SPMIP4: variants seen among roughly 807,000 people sequenced by gnomAD.
The protein encoded by SPMIP4 is sperm-associated microtubule inner protein 4.
the SPMIP4 span, among the ~76,000 whole-genome samples, chr7:25,148,021 AG>A: frequency 6.6e-6 from 1 of 152,184 alleles, no homozygotes; most frequent in African/African-American, 2.4e-5. Context: ...TTTGCAGCTA[AG>A]TTACACATTT....
the SPMIP4 span, among the ~76,000 whole-genome samples, chr7:25,153,301 T>C: frequency 6.6e-6 from 1 of 152,114 alleles, no homozygotes; most frequent in Non-Finnish European, 1.5e-5. Context: ...TGGTGGCTCA[T>C]GCCTGTAATC....
At chr7:25,179,439 C>T in the SPMIP4 span, 9 of 909,076 alleles carry the variant, frequency 9.9e-6, no homozygotes, top group African/African-American at 8.4e-5. Flanking sequence ...ACGTCACAGG[C>T]TTCCCTCTGC....
At chr7:25,167,031 CTT>C in the SPMIP4 span, among the ~76,000 whole-genome samples, 1 of 152,202 alleles carries the variant, frequency 6.6e-6, no homozygotes, top group Non-Finnish European at 1.5e-5. Context: ...AGAAACAAGT[CTT>C]TGGCTTTCTT....
chr7:25,149,433 C>T, the SPMIP4 span, among the ~76,000 whole-genome samples: 1 of 151,908 alleles, frequency 6.6e-6, no homozygotes, highest in Non-Finnish European at 1.5e-5. Flanking sequence ...ACTTCTTTGT[C>T]CAGGGAAATG....
the SPMIP4 span, among the ~76,000 whole-genome samples, chr7:25,172,490 T>C: frequency 6.6e-6 from 1 of 152,176 alleles, no homozygotes; most frequent in South Asian, 2.1e-4. This position sits in a 1 kb window ranked among gnomAD's most constrained non-coding sequence, Gnocchi z 4.2. Context: ...TAGCATGGCA[T>C]GGTGTGACTC....
the SPMIP4 span, chr7:25,151,760 T>G: frequency 1.4e-6 from 1 of 737,328 alleles, no homozygotes; most frequent in Non-Finnish European, 2.3e-6. Flanking sequence ...AGAAATGAGA[T>G]AATACAAGGT....
At chr7:25,138,417 G>T in the SPMIP4 span, among the ~76,000 whole-genome samples, 1 of 152,124 alleles carries the variant, frequency 6.6e-6, no homozygotes, top group Non-Finnish European at 1.5e-5. This position sits in a 1 kb window ranked among gnomAD's most constrained non-coding sequence, Gnocchi z 6.2. Context: ...TTTTTGTGAA[G>T]ATAGAGTCTT....
At chr7:25,168,911 A>C in the SPMIP4 span, among the ~76,000 whole-genome samples, 1 of 151,794 alleles carries the variant, frequency 6.6e-6, no homozygotes, top group African/African-American at 2.4e-5. Context: ...TTTTTAGTAG[A>C]GACGGGGGTC....
At chr7:25,163,399 C>T in the SPMIP4 span, among the ~76,000 whole-genome samples, 1,343 of 152,140 alleles carry the variant, frequency 8.8e-3, 10 homozygotes, top group African/African-American at 0.031. This position sits in a 1 kb window ranked among gnomAD's most constrained non-coding sequence, Gnocchi z 4.4. Context: ...TTCCAGCCTC[C>T]GAATGGCCCT....
the SPMIP4 span, among the ~76,000 whole-genome samples, chr7:25,137,607 T>C: frequency 1.3e-5 from 2 of 152,296 alleles, no homozygotes; most frequent in East Asian, 3.9e-4. Flanking sequence ...GGTGGTTTAA[T>C]GGAAATCTTT....
At chr7:25,139,577 A>C in the SPMIP4 span, among the ~76,000 whole-genome samples, 2 of 152,352 alleles carry the variant, frequency 1.3e-5, no homozygotes, top group East Asian at 3.9e-4. Flanking sequence ...TGGACTTAGG[A>C]ACATCCTTTT....
At chr7:25,159,447 C>T in the SPMIP4 span, among the ~76,000 whole-genome samples, 5 of 152,168 alleles carry the variant, frequency 3.3e-5, no homozygotes, top group African/African-American at 7.2e-5. Context: ...CGACTAAAGA[C>T]GGGTAATCAT....
chr7:25,132,138 C>T, the SPMIP4 span, among the ~76,000 whole-genome samples: 13 of 152,298 alleles, frequency 8.5e-5, no homozygotes, highest in East Asian at 1.9e-4. This position sits in a 1 kb window ranked among gnomAD's most constrained non-coding sequence, Gnocchi z 5.0. Flanking sequence ...GTTTCTATCC[C>T]GATCATTGTC....
the SPMIP4 span, chr7:25,155,270 T>A: frequency 7.6e-7 from 1 of 1,315,052 alleles, no homozygotes; most frequent in Non-Finnish European, 1.0e-6. Flanking sequence ...CATCAAAAAT[T>A]TATTGGGACC....
the SPMIP4 span, among the ~76,000 whole-genome samples, chr7:25,140,083 A>T: frequency 2.0e-5 from 3 of 152,224 alleles, no homozygotes; most frequent in East Asian, 5.8e-4. Flanking sequence ...ATCTCTGGAA[A>T]TCTGGACAGT....
At chr7:25,161,816 T>C in the SPMIP4 span, among the ~76,000 whole-genome samples, 7 of 152,116 alleles carry the variant, frequency 4.6e-5, no homozygotes, top group African/African-American at 1.7e-4. Context: ...AGAAAGATAA[T>C]TTCAGATGGA....
chr7:25,157,582 T>G, the SPMIP4 span, among the ~76,000 whole-genome samples: 1 of 152,136 alleles, frequency 6.6e-6, no homozygotes, highest in Non-Finnish European at 1.5e-5. Flanking sequence ...CATCCCAGTC[T>G]AACCATAAGA....
chr7:25,175,718 GT>G, the SPMIP4 span, among the ~76,000 whole-genome samples: 1 of 152,140 alleles, frequency 6.6e-6, no homozygotes, highest in Non-Finnish European at 1.5e-5. Context: ...GGGGCTTTCT[GT>G]TTTGTATTGT....
chr7:25,173,057 GA>G, the SPMIP4 span, among the ~76,000 whole-genome samples: 8 of 151,272 alleles, frequency 5.3e-5, no homozygotes, highest in African/African-American at 1.5e-4. The surrounding 1 kb of genome is among the most constrained non-coding windows in gnomAD (Gnocchi z 4.4). Flanking sequence ...GAGGGAGAGA[GA>G]GGGGGAGAGA....
Sources: allele counts gnomAD v4.1 joint callset (sites outside exome capture counted in the v4.1 genomes callset), GRCh38; gene constraint gnomAD v4.1.1; non-coding constraint Gnocchi (gnomAD v3.1); transcripts MANE v1.5; gene names NCBI Gene and HGNC (gene_info 2026-07-23, HGNC 2026-07-21).